The following TDRD3 variants were observed in gnomAD, a reference collection of about 807,000 sequenced individuals.
TDRD3 encodes the protein tudor domain containing 3, also known as tudor domain-containing protein 3.
In TDRD3, 45 loss-of-function variants were observed where a neutral mutation model predicts 86.7. The observed-to-expected ratio is 0.52, with a 90% CI of 0.41 to 0.67. The LOEUF (loss-of-function observed/expected upper bound fraction) is 0.67. TDRD3 is among the 30% of genes least tolerant of loss of function. The pLI, the probability that TDRD3 is intolerant of heterozygous loss-of-function variation, is 0.00. For synonymous variants in TDRD3, 298 were observed against 301.7 expected (o/e 0.99, Z 0.13); for missense variants, 814 against 889.0 (o/e 0.92, Z 1.07).
chr13:60,397,159 G>A, upstream of TDRD3: 3 of 400,060 alleles, frequency 7.5e-6, no homozygotes, highest in Non-Finnish European at 8.9e-6. Context: ...ACACCAGGCC[G>A]GCCCCTACGG....
intron 12 of TDRD3, among the ~76,000 whole-genome samples, chr13:60,563,299 GTATC>G (rs1958380035): frequency 6.6e-6 from 1 of 151,560 alleles, no homozygotes; most frequent in Non-Finnish European, 1.5e-5. Context: ...GCTGAGGTAA[GTATC>G]TAAGTATTTT....
Position 60,541,716 on chromosome 13 carries a change from C to CTTTTTTTTTTTTTTTTTTTTT in TDRD3, c.2118+6493_2118+6513dup, listed in dbSNP as rs71199007. Among the ~76,000 whole-genome samples the CTTTTTTTTTTTTTTTTTTTTT allele has an allele frequency of 4.6e-4, 19 of 41,034 alleles. 6 individuals are homozygous for CTTTTTTTTTTTTTTTTTTTTT. The highest frequency in any genetic ancestry group is 2.6e-3 in the South Asian group (2 of 764). The allele number at this position is 41,034 out of a possible 152,430, so 26.9% of individuals were successfully genotyped here. ...AGATGGATTTTTCCTTCAGCATAGT[C>CTTTTTTTTTTTTTTTTTTTTT]TTTTTTTTTTTTTTTTTTTTTTTTT... On this transcript the variant is annotated intron_variant, in intron 12 of 13. Coordinates refer to ENST00000377881, the MANE Select transcript of TDRD3 (RefSeq NM_001146070.2).
chr13:60,494,683 G>A lies in TDRD3; in HGVS notation c.858+108G>A. 5.3e-6 allele frequency: 5 copies of A among 945,014 alleles called. No homozygotes were observed. In the East Asian group the frequency reaches 1.1e-4, roughly 21 times the overall value. 58.5% of individuals were successfully genotyped at this position (945,014 alleles called of 1,614,324 possible). The stretch of plus-strand genomic sequence containing the variant: ...TTTGTGCAATGTATTATGGATAGAT[G>A]TTATAACTCTTGAAGGCTTTCATTA... On this transcript the variant is annotated intron_variant, in intron 8 of 13. Transcript: ENST00000377881.
intron 10 of TDRD3, among the ~76,000 whole-genome samples, chr13:60,524,598 G>T (rs1957368893): frequency 6.6e-6 from 1 of 151,974 alleles, no homozygotes; most frequent in Non-Finnish European, 1.5e-5. Flanking sequence ...TTTGTTATGT[G>T]TTTAATAGAT....
At chr13:60,511,891 T>G (rs904654507) in intron 10 of TDRD3, among the ~76,000 whole-genome samples, 3 of 152,158 alleles carry the variant, frequency 2.0e-5, no homozygotes, top group African/African-American at 7.2e-5. Context: ...CTGCTGCTGC[T>G]TCAGATCTTT....
intron 1 of TDRD3, among the ~76,000 whole-genome samples, chr13:60,413,039 TC>T (rs1400288556): frequency 6.6e-6 from 1 of 151,608 alleles, no homozygotes; most frequent in Non-Finnish European, 1.5e-5. Context: ...ATCCCTGTAC[TC>T]CCAATTTTTT....
intron 12 of TDRD3, among the ~76,000 whole-genome samples, chr13:60,567,068 T>C (rs1307441415): frequency 6.6e-6 from 1 of 152,218 alleles, no homozygotes; most frequent in African/African-American, 2.4e-5. Flanking sequence ...GAACATTCTT[T>C]GGCTCTTCAA....
At chr13:60,501,763 A>T (rs964647705) in intron 8 of TDRD3, among the ~76,000 whole-genome samples, 2 of 152,244 alleles carry the variant, frequency 1.3e-5, no homozygotes, top group Admixed American at 6.5e-5. Flanking sequence ...TAGGACAAGT[A>T]CTTACTATAC....
chr13:60,432,571 T>G (rs942905451), intron 1 of TDRD3, among the ~76,000 whole-genome samples: 11 of 152,122 alleles, frequency 7.2e-5, no homozygotes, highest in Non-Finnish European at 1.3e-4. Flanking sequence ...TTTTGGCAGG[T>G]GTATTACAAT....
intron 5 of TDRD3, among the ~76,000 whole-genome samples, chr13:60,475,216 A>G (rs1341462970): frequency 6.6e-6 from 1 of 152,072 alleles, no homozygotes; most frequent in Non-Finnish European, 1.5e-5. Flanking sequence ...CCCTATAGGT[A>G]GCCTTCCAAC....
intron 1 of TDRD3, among the ~76,000 whole-genome samples, chr13:60,434,387 G>T (rs1188568398): frequency 6.6e-6 from 1 of 151,352 alleles, no homozygotes; most frequent in African/African-American, 2.4e-5. Context: ...AGAATTGCTT[G>T]AGCCCAGGCA....
Position 60,529,112 on chromosome 13 carries a change from G to C in TDRD3, c.1887G>C (p.Gly629=), listed in dbSNP as rs1308015810. The C allele has an allele frequency of 6.2e-7, 1 of 1,613,988 alleles. No individual in the cohort carries two copies. Among genetic ancestry groups the C allele is most frequent in the South Asian group, 1.1e-5 (1 of 91,072 alleles). Reference sequence around the variant, plus strand: ...ATAGTGGGCCCAAACGAAGATCTGGGCCAATTAAGCCAGAAAAAATACTAG... The same window carrying C: ...ATAGTGGGCCCAAACGAAGATCTGGCCCAATTAAGCCAGAAAAAATACTAG... The part of the protein sequence containing the change: ...FYNSGPKRRS[G]PIKPEKILES... Residue 629 remains glycine (G), a synonymous_variant, in exon 11 of 14, where the codon GGG becomes GGC. Coordinates refer to ENST00000377881, the MANE Select transcript of TDRD3 (RefSeq NM_001146070.2).
chr13:60,475,148 G>C (rs1956158487), intron 5 of TDRD3, among the ~76,000 whole-genome samples: 1 of 151,210 alleles, frequency 6.6e-6, no homozygotes, highest in African/African-American at 2.4e-5. Flanking sequence ...TGGGTAAATT[G>C]TGTGTCACTG....
rs1185771094 is a variant in TDRD3, at chr13:60,402,251, CT to C, written c.41+4852del. Among the ~76,000 whole-genome samples, 24 of 152,154 alleles carry C rather than the reference CT, an allele frequency of 1.6e-4. 1 individual carries two copies. The highest frequency in any genetic ancestry group is 4.3e-4 in the African/African-American group (18 of 41,440). On this transcript the variant is annotated intron_variant, in intron 1 of 13. Transcript: ENST00000377881. ...GGTTCTAGTTTTCTTAGAGACACAC[CT>C]TTTTTCCAGGAGATTGCTGGTGAAT... is the stretch of plus-strand genomic sequence containing the variant.
At chr13:60,491,113 T>G (rs1296413749) in intron 7 of TDRD3, among the ~76,000 whole-genome samples, 4 of 76,954 alleles carry the variant, frequency 5.2e-5, no homozygotes, top group Admixed American at 1.6e-4. Flanking sequence ...AAACTCCATC[T>G]CAAAAAAAAA....
At chr13:60,491,778 C>A (rs2137545898) in intron 7 of TDRD3, among the ~76,000 whole-genome samples, 1 of 149,918 alleles carries the variant, frequency 6.7e-6, no homozygotes, top group South Asian at 2.1e-4. Context: ...TATGTGAGTT[C>A]TTTAATGATT....
At position 60,509,818 on chromosome 13, in the gene TDRD3, C is replaced by G. The variant is rs746393972; in HGVS notation, c.914C>G (p.Ser305Trp). 98 of 1,613,710 alleles carry G rather than the reference C, an allele frequency of 6.1e-5. No homozygotes were observed. Among genetic ancestry groups the G allele is most frequent in the Non-Finnish European group, 8.1e-5 (95 of 1,179,784 alleles). The change falls in exon 9 of 14, where the codon TCG becomes TGG. Residue 305 changes from serine to tryptophan, a missense_variant. Coordinates refer to ENST00000377881, the MANE Select transcript of TDRD3 (RefSeq NM_001146070.2). ...ITEMGFSKEASRQALMDNGNN... is the reference protein window; with the variant it reads ...ITEMGFSKEAWRQALMDNGNN... ...GAAATGGGCTTCAGTAAGGAAGCAT[C>G]GAGGCAAGCTCTTATGGATAATGGC... is the stretch of plus-strand genomic sequence containing the variant.
chr13:60,526,978 G>T (rs1203360326), intron 10 of TDRD3, among the ~76,000 whole-genome samples: 1 of 152,074 alleles, frequency 6.6e-6, no homozygotes, highest in Admixed American at 6.5e-5. Context: ...GAGATTACAG[G>T]TGTGCACCAC....
intron 8 of TDRD3, among the ~76,000 whole-genome samples, chr13:60,505,836 AG>A (rs1956924832): frequency 6.6e-6 from 1 of 152,222 alleles, no homozygotes; most frequent in African/African-American, 2.4e-5. Flanking sequence ...TAGAGAAAAA[AG>A]AATGAAAAGG....
Sources: gnomAD v4.1 joint callset for allele counts (sites outside exome capture counted in the v4.1 genomes callset) on GRCh38, gnomAD v4.1.1 for gene constraint, MANE v1.5 for transcripts, NCBI Gene and HGNC (gene_info 2026-07-23, HGNC 2026-07-21) for gene names.